The following STARD9 variants were observed in gnomAD, a reference collection of about 807,000 sequenced individuals.
STARD9 encodes the protein stAR-related lipid transfer protein 9.
STARD9 carries 346 observed loss-of-function variants against 399.8 expected under a neutral mutation model. The ratio of observed to expected loss-of-function variants is 0.87; its 90% confidence interval spans 0.79 to 0.95. The LOEUF (loss-of-function observed/expected upper bound fraction) is 0.95. Ranked by LOEUF, STARD9 falls within the 40% of genes least tolerant of loss-of-function variation. The pLI is 0.00. For synonymous variants in STARD9, 2,203 were observed against 2,143.5 expected (o/e 1.03, Z -0.77); for missense variants, 5,832 against 5,667.5 (o/e 1.03, Z -0.93).
chr15:42,673,862 C>T (rs535528030), intron 16 of STARD9: 2 of 455,004 alleles, frequency 4.4e-6, no homozygotes, highest in Admixed American at 4.7e-5. Context: ...CTCTTACACT[C>T]TCTTCCAGTT....
chr15:42,642,554 A>G (rs1343392587), intron 7 of STARD9, among the ~76,000 whole-genome samples: 3 of 152,122 alleles, frequency 2.0e-5, no homozygotes, highest in Admixed American at 6.6e-5. Flanking sequence ...TTTCCTGTGT[A>G]CTCAATCTAT....
intron 20 of STARD9, 45 bp downstream of exon 20, chr15:42,676,020 CT>C: frequency 2.1e-6 from 1 of 474,804 alleles, no homozygotes; most frequent in Non-Finnish European, 3.7e-6. Context: ...ACTGGGTTCG[CT>C]TCTTAGTCCA....
intron 3 of STARD9, among the ~76,000 whole-genome samples, chr15:42,634,000 C>T (rs2059377739): frequency 1.3e-5 from 2 of 151,994 alleles, no homozygotes; most frequent in Admixed American, 1.3e-4. Flanking sequence ...AATATCTGGC[C>T]TGTTTGGCTT....
chr15:42,651,385 T>G (rs890012842), intron 8 of STARD9, among the ~76,000 whole-genome samples: 4 of 152,200 alleles, frequency 2.6e-5, no homozygotes, highest in African/African-American at 9.7e-5. Flanking sequence ...AAGAAAGGGT[T>G]CTTACCTGCA....
intron 20 of STARD9, among the ~76,000 whole-genome samples, chr15:42,678,118 C>T (rs2060349357): frequency 6.6e-6 from 1 of 152,206 alleles, no homozygotes; most frequent in African/African-American, 2.4e-5. Context: ...CTACTGTAGC[C>T]AGCATCTGTA....
rs2060536000 is a variant in STARD9 at position 42,685,653 on chromosome 15, C to T, written c.4075C>T (p.Pro1359Ser). The T allele has an allele frequency of 6.5e-7, 1 of 1,537,110 alleles. No individual in the cohort carries two copies. Among genetic ancestry groups the T allele is most frequent in the African/African-American group, 1.4e-5 (1 of 73,046 alleles). Residue 1359 changes from proline to serine, a missense_variant, in exon 23 of 33, where the codon CCA becomes TCA. Physicochemically the swap from Pro to Ser is moderately conservative, Grantham distance 74. Transcript: ENST00000290607. ...SPPGIVGSLC[P>S]SPDMQEFHSC... ...CCCAGGAATAGTGGGTTCTTTATGT[C>T]CAAGTCCTGATATGCAGGAATTTCA... is the stretch of plus-strand genomic sequence containing the variant.
chr15:42,703,494 G>T (rs1324252145), intron 26 of STARD9, among the ~76,000 whole-genome samples: 1 of 149,674 alleles, frequency 6.7e-6, no homozygotes, highest in Non-Finnish European at 1.5e-5. Context: ...CTCCCAAGTA[G>T]CTGAGATTAT....
Position 42,633,324 on chromosome 15 carries a change from A to G in STARD9, c.235-1532A>G, listed in dbSNP as rs1418701607. ...TTAAGTAACTTGCCCAAGATCACAC[A>G]GCTTTGAAGTATAAGAATACACTAC... is the stretch of plus-strand genomic sequence containing the variant. On this transcript the variant is annotated intron_variant, in intron 3 of 32. Coordinates refer to ENST00000290607, the MANE Select transcript of STARD9 (RefSeq NM_020759.3). 2.0e-5 allele frequency among the ~76,000 whole-genome samples: 3 copies of G among 152,232 alleles called. No homozygotes were observed. In the East Asian group the frequency reaches 5.8e-4, roughly 29 times the overall value.
At chr15:42,640,707 G>A (rs767439161) in intron 7 of STARD9, among the ~76,000 whole-genome samples, 2 of 150,564 alleles carry the variant, frequency 1.3e-5, no homozygotes, top group Admixed American at 6.7e-5. Context: ...TATAGTCCCA[G>A]CTACTCGTGA....
rs1399056882 is a variant in STARD9 at position 42,685,146 on chromosome 15, TCAGA to T, written c.3572_3575del (p.Asp1191ValfsTer16). On this transcript the variant is annotated frameshift_variant, in exon 23 of 33. Transcript: ENST00000290607. LOFTEE classifies it high-confidence loss of function. ...TTCTGTGAGGGGCTTCACTGCAGCC[TCAGA>T]CAGTGACCTACTTGCTCAAACTCAT... The T allele has an allele frequency of 1.3e-6, 2 of 1,537,182 alleles. No homozygotes were observed. The highest frequency in any genetic ancestry group is 2.4e-5 in the South Asian group (2 of 84,066).
chr15:42,611,498 A>T (rs942306609), intron 3 of STARD9, among the ~76,000 whole-genome samples: 1 of 152,148 alleles, frequency 6.6e-6, no homozygotes, highest in Non-Finnish European at 1.5e-5. Flanking sequence ...TAAATATACT[A>T]TCCTTTAGAC....
chr15:42,692,127 G>A lies in STARD9; in HGVS notation c.10549G>A (p.Gly3517Ser). ...GGCCCGGTGCTCCAGCATGGACAAT[G>A]GCCTAGAAGACCAGAACTCCCCTTT... ...NVARCSSMDN[G>S]LEDQNSPFHS... Residue 3517 changes from glycine to serine, a missense_variant, in exon 23 of 33, where the codon GGC becomes AGC. Gly to Ser is a moderately conservative substitution (Grantham distance 56). Coordinates refer to ENST00000290607, the MANE Select transcript of STARD9 (RefSeq NM_020759.3). 1 of 1,537,130 alleles carries A rather than the reference G, an allele frequency of 6.5e-7. No individual in the cohort carries two copies.
Position 42,655,828 on chromosome 15 carries a change from A to G in STARD9, c.702+3236A>G, listed in dbSNP as rs565417970. On this transcript the variant is annotated intron_variant, in intron 9 of 32. Coordinates refer to ENST00000290607, the MANE Select transcript of STARD9 (RefSeq NM_020759.3). ...GGGAGAAAATATTTGCAATCTATGC[A>G]TCCTACGAAGGACTAATATCCAGAC... is the stretch of plus-strand genomic sequence containing the variant. 2.6e-5 allele frequency among the ~76,000 whole-genome samples: 4 copies of G among 152,354 alleles called. No individual in the cohort carries two copies. In the East Asian group the frequency reaches 7.7e-4, roughly 29 times the overall value.
Position 42,716,933 on chromosome 15 carries a change from G to C in STARD9, c.13379G>C (p.Arg4460Thr). 1 of 1,537,220 alleles carries C rather than the reference G, an allele frequency of 6.5e-7. No individual in the cohort carries two copies. The highest frequency in any genetic ancestry group is 1.4e-5 in the African/African-American group (1 of 73,150). The stretch of plus-strand genomic sequence containing the variant: ...CTCCACCTATTTCTTGTAGGCCACA[G>C]AGCCTCCCTGGGCAGTTGCTGCTGT... ...AVRKNSAYSH[R>T]ASLGSCCCSP... is the part of the protein sequence containing the mutation. The change falls in exon 28 of 33, where the codon AGA (arginine) becomes ACA (threonine). Residue 4460 changes from arginine to threonine, a missense_variant. Physicochemically the swap from Arg to Thr is moderately conservative, Grantham distance 71. Transcript: ENST00000290607.
intron 26 of STARD9, among the ~76,000 whole-genome samples, chr15:42,703,195 A>C (rs1402389062): frequency 1.3e-5 from 2 of 152,164 alleles, no homozygotes; most frequent in Admixed American, 6.5e-5. Context: ...ATTTCATTAA[A>C]TTTAATTGGG....
In STARD9 at chr15:42,691,252, G is replaced by C. The variant is rs1487639032; in HGVS notation, c.9674G>C (p.Gly3225Ala). Reference protein sequence around the residue: ...HRDQASGGGEGFAQGVNPLPD... With the variant: ...HRDQASGGGEAFAQGVNPLPD... ...GACCAGGCTTCAGGTGGTGGAGAAG[G>C]CTTCGCCCAGGGTGTGAATCCCCTT... The change falls in exon 23 of 33, where the codon GGC becomes GCC. Residue 3225 changes from glycine (G) to alanine (A), a missense_variant. This residue lies in a region of STARD9 where 5,828 missense variants were observed against 5,651.1 expected (regional missense o/e 1.03). Transcript: ENST00000290607. The C allele has an allele frequency of 1.3e-6, 2 of 1,537,248 alleles. No homozygotes were observed. The highest frequency in any genetic ancestry group is 3.9e-5 in the Admixed American group (2 of 51,006).
intron 3 of STARD9, among the ~76,000 whole-genome samples, chr15:42,623,406 T>C (rs2059131364): frequency 6.6e-6 from 1 of 152,204 alleles, no homozygotes; most frequent in Non-Finnish European, 1.5e-5. Context: ...GTTTACTGAC[T>C]CTATGGTCTA....
Position 42,718,470 on chromosome 15 carries a change from A to C in STARD9, c.13798A>C (p.Lys4600Gln). The C allele has an allele frequency of 1.3e-6, 2 of 1,537,198 alleles. No homozygotes were observed. The highest frequency in any genetic ancestry group is 2.4e-5 in the East Asian group (1 of 40,908). ...GTGCAACACCACCCTGTGCGCACTG[A>C]AGCAGCCACGGGATTTCTGTTGTGT... Reference protein sequence around the residue: ...LVCNTTLCALKQPRDFCCVCV... With the variant: ...LVCNTTLCALQQPRDFCCVCV... Residue 4600 changes from lysine to glutamine, a missense_variant, in exon 31 of 33, where the codon AAG (lysine) becomes CAG (glutamine). Around this residue, in one of 2 missense-constraint regions of STARD9, gnomAD observed 5,828 missense variants for 5,651.1 expected, o/e 1.03. Transcript: ENST00000290607.
chr15:42,685,087 A>G lies in STARD9; in HGVS notation c.3509A>G (p.Asn1170Ser). 1 of 1,537,238 alleles carries G rather than the reference A, an allele frequency of 6.5e-7. No individual in the cohort carries two copies. The highest frequency in any genetic ancestry group is 8.7e-7 in the Non-Finnish European group (1 of 1,146,934). ...KNRLGGNRPT[N>S]NRGQPRTRTR... Reference sequence around the variant, plus strand: ...AGGCTAGGGGGCAATCGTCCCACCAACAACCGTGGCCAACCCAGGACCAGA... The same window carrying G: ...AGGCTAGGGGGCAATCGTCCCACCAGCAACCGTGGCCAACCCAGGACCAGA... The change falls in exon 23 of 33, where the codon AAC becomes AGC. Residue 1170 changes from asparagine to serine, a missense_variant. Coordinates refer to ENST00000290607, the MANE Select transcript of STARD9 (RefSeq NM_020759.3).
Sources: allele counts gnomAD v4.1 joint callset (sites outside exome capture counted in the v4.1 genomes callset), GRCh38; gene constraint gnomAD v4.1.1; regional missense constraint gnomAD v4.1.1; transcripts MANE v1.5; gene names NCBI Gene and HGNC (gene_info 2026-07-23, HGNC 2026-07-21).